GRIK1: variants seen among roughly 807,000 people sequenced by gnomAD.
The protein encoded by GRIK1 is glutamate ionotropic receptor kainate type subunit 1.
GRIK1 carries 69 observed loss-of-function variants against 105.7 expected under a neutral mutation model. The ratio of observed to expected loss-of-function variants is 0.65; its 90% CI spans 0.54 to 0.80. GRIK1 has a LOEUF of 0.80. GRIK1 is among the 30% of genes least tolerant of loss of function. The pLI is 0.00. For missense variants in GRIK1, 1,109 were observed against 1,167.3 expected, an observed-to-expected ratio of 0.95 and a Z score of 0.73; for synonymous variants, 438 against 431.3, an observed-to-expected ratio of 1.02 and a Z score of -0.19.
intron 1 of GRIK1, among the ~76,000 whole-genome samples, chr21:29,720,152 CA>C (rs2064284155): frequency 6.6e-6 from 1 of 152,242 alleles, no homozygotes; most frequent in African/African-American, 2.4e-5. Context: ...CATGGCTCCA[CA>C]ATCCCTGAGT....
At chr21:29,723,935 A>G (rs1445125517) in intron 1 of GRIK1, among the ~76,000 whole-genome samples, 1 of 152,212 alleles carries the variant, frequency 6.6e-6, no homozygotes, top group Non-Finnish European at 1.5e-5. Context: ...ATATTGGGGA[A>G]ATCACAGCTG....
intron 14 of GRIK1, among the ~76,000 whole-genome samples, chr21:29,574,347 C>A (rs115260761): frequency 6.6e-6 from 1 of 152,226 alleles, no homozygotes; most frequent in African/African-American, 2.4e-5. Context: ...GAAGTAGAAT[C>A]TTCTCTGCCT....
At chr21:29,813,802 C>T (rs1448984935) in intron 1 of GRIK1, among the ~76,000 whole-genome samples, 1 of 151,864 alleles carries the variant, frequency 6.6e-6, no homozygotes, top group East Asian at 1.9e-4. Flanking sequence ...AAACCAGATT[C>T]ATAATCATCT....
chr21:29,768,539 A>G (rs1431075019), intron 1 of GRIK1, among the ~76,000 whole-genome samples: 2 of 152,196 alleles, frequency 1.3e-5, no homozygotes, highest in African/African-American at 4.8e-5. Context: ...CACCCAGGGC[A>G]CAAAAAGAGG....
chr21:29,719,202 AAT>A (rs1031101737), intron 1 of GRIK1, among the ~76,000 whole-genome samples: 9 of 151,016 alleles, frequency 6.0e-5, no homozygotes, highest in African/African-American at 1.7e-4. Context: ...ATCTAGAAAA[AAT>A]ATTTATCTAG....
intron 1 of GRIK1, among the ~76,000 whole-genome samples, chr21:29,764,849 C>T (rs1190564900): frequency 3.3e-5 from 5 of 152,078 alleles, no homozygotes; most frequent in African/African-American, 1.2e-4. Flanking sequence ...ATAAACTTCA[C>T]CTTATCCTTA....
At chr21:29,687,535 A>G (rs1023646426) in intron 3 of GRIK1, among the ~76,000 whole-genome samples, 4 of 152,186 alleles carry the variant, frequency 2.6e-5, no homozygotes, top group African/African-American at 9.6e-5. Context: ...AATCATTTTA[A>G]CTTGAATCAT....
At position 29,769,594 on chromosome 21, in the gene GRIK1, G is replaced by C. The variant is rs777995877; in HGVS notation, c.119-75531C>G. On this transcript the variant is annotated intron_variant, in intron 1 of 17. Transcript: ENST00000327783. ...GAGAATCTAATGTCCCCGCTGATCT[G>C]ACAAGAGGCGGAGCTCAGGTGGTAA... is the stretch of plus-strand genomic sequence containing the variant. Among the ~76,000 whole-genome samples, 50 of 152,248 alleles carry C rather than the reference G, an allele frequency of 3.3e-4. 1 individual carries two copies. The highest frequency in any genetic ancestry group is 1.3e-3 in the Admixed American group (20 of 15,292).
chr21:29,677,331 A>G (rs1398550505), intron 3 of GRIK1, among the ~76,000 whole-genome samples: 1 of 152,248 alleles, frequency 6.6e-6, no homozygotes, highest in Non-Finnish European at 1.5e-5. Flanking sequence ...TTCCACTTCT[A>G]TCCCCAAGAA....
At chr21:29,577,390 A>G (rs1417891197) in intron 13 of GRIK1, among the ~76,000 whole-genome samples, 1 of 152,248 alleles carries the variant, frequency 6.6e-6, no homozygotes, top group Admixed American at 6.5e-5. Context: ...ACTATAATTT[A>G]TCAGTAGCTG....
chr21:29,544,973 T>C (rs2090028158), intron 16 of GRIK1, among the ~76,000 whole-genome samples: 2 of 152,210 alleles, frequency 1.3e-5, no homozygotes, highest in Admixed American at 6.5e-5. Context: ...AGGGAAACCA[T>C]AGCCCAGTCT....
At chr21:29,802,900 G>C (rs565949951) in intron 1 of GRIK1, among the ~76,000 whole-genome samples, 25 of 152,254 alleles carry the variant, frequency 1.6e-4, no homozygotes, top group Non-Finnish European at 3.4e-4. Flanking sequence ...GTTCCTTGAG[G>C]GAGGCACTAT....
chr21:29,737,758 T>C (rs1209540921), intron 1 of GRIK1, among the ~76,000 whole-genome samples: 1 of 152,250 alleles, frequency 6.6e-6, no homozygotes, highest in African/African-American at 2.4e-5. Context: ...GAAGGTTTTC[T>C]ACCCTCCACT....
chr21:29,734,346 C>T (rs1331337665), intron 1 of GRIK1, among the ~76,000 whole-genome samples: 1 of 8,018 alleles, frequency 1.2e-4, no homozygotes, highest in African/African-American at 3.9e-4. Flanking sequence ...GATCATAGCA[C>T]TTTTCTTTTC....
In GRIK1 at chr21:29,560,520, C is replaced by T. The variant is rs1377877377; in HGVS notation, c.2356+1104G>A. On this transcript the variant is annotated intron_variant, in intron 15 of 17. Transcript: ENST00000327783. ...CTTTCCTTCCTTCCTTCCTTCCTTC[C>T]TTTCTTTCTTTCTTTCTTTCTTTCT... 3.1e-3 allele frequency among the ~76,000 whole-genome samples: 169 copies of T among 55,012 alleles called. 3 individuals are homozygous for T. Among genetic ancestry groups the T allele is most frequent in the African/African-American group, 0.014 (157 of 11,526 alleles). The allele number at this position is 55,012 out of a possible 152,430, so 36.1% of individuals were successfully genotyped here.
intron 1 of GRIK1, among the ~76,000 whole-genome samples, chr21:29,835,015 C>T (rs930896634): frequency 6.6e-6 from 1 of 152,004 alleles, no homozygotes; most frequent in African/African-American, 2.4e-5. Flanking sequence ...GTGGGCATAG[C>T]GTTTCTACTA....
chr21:29,558,427 G>A lies in GRIK1; in HGVS notation c.2357-3125C>T, dbSNP rs115990099. Among the ~76,000 whole-genome samples, 752 of 147,222 alleles carry A rather than the reference G, an allele frequency of 5.1e-3. 6 individuals carry two copies. Among genetic ancestry groups the A allele is most frequent in the African/African-American group, 0.019 (736 of 38,022 alleles). ...CTTCCTGAATAGCAACTAATCTTTTGTAAAGAGTCAATTCATCATAAAAGA... is the reference window on the plus strand; with the variant it reads ...CTTCCTGAATAGCAACTAATCTTTTATAAAGAGTCAATTCATCATAAAAGA... On this transcript the variant is annotated intron_variant, in intron 15 of 17. Coordinates refer to ENST00000327783, the MANE Select transcript of GRIK1 (RefSeq NM_001330994.2).
At chr21:29,888,938 A>G (rs1223708011) in intron 1 of GRIK1, among the ~76,000 whole-genome samples, 19 of 152,168 alleles carry the variant, frequency 1.2e-4, no homozygotes, top group Admixed American at 1.2e-3. Context: ...AACACAAAAT[A>G]TTCCATCCTG....
intron 14 of GRIK1, among the ~76,000 whole-genome samples, chr21:29,576,097 G>A (rs1263373358): frequency 6.6e-6 from 1 of 151,734 alleles, no homozygotes; most frequent in Non-Finnish European, 1.5e-5. Context: ...TATTTGACTT[G>A]GAGCAGGTAA....
Sources: gnomAD v4.1 joint callset for allele counts (sites outside exome capture counted in the v4.1 genomes callset) on GRCh38, gnomAD v4.1.1 for gene constraint, MANE v1.5 for transcripts, NCBI Gene and HGNC (gene_info 2026-07-23, HGNC 2026-07-21) for gene names.